ZC3H14: variants seen among roughly 807,000 people sequenced by gnomAD.
ZC3H14 encodes zinc finger CCCH-type containing 14.
ZC3H14 carries 31 observed loss-of-function variants against 92.4 expected under a neutral mutation model. The observed-to-expected ratio is 0.34, with a 90% CI of 0.25 to 0.45. ZC3H14 has a LOEUF of 0.45. ZC3H14 is among the 20% of genes least tolerant of loss of function. The pLI, the probability that ZC3H14 is intolerant of heterozygous loss-of-function variation, is 1.00. For synonymous variants in ZC3H14, 321 were observed against 300.9 expected (o/e 1.07, Z -0.69); for missense variants, 781 against 897.3 (o/e 0.87, Z 1.66).
chr14:88,591,110 A>G (rs1236635339), intron 9 of ZC3H14: 1 of 152,190 alleles, frequency 6.6e-6, no homozygotes, highest in Non-Finnish European at 1.5e-5. Context: ...TTACTTACGT[A>G]CACATGCTGT....
At position 88,625,286 on chromosome 14, in the gene ZC3H14, G is replaced by A; in HGVS notation, c.*13535G>A. The A allele has an allele frequency of 2.6e-6, 2 of 759,634 alleles. No homozygotes were observed. The highest frequency in any genetic ancestry group is 4.1e-4 in the Middle Eastern group (1 of 2,466). The allele number at this position is 759,634 out of a possible 1,614,324, so 47.1% of individuals were successfully genotyped here. ...ACTGAATTCACGAGTCAGGAAACCTGAACGGGAGGCTTAGCTTTGTCAGGA... is the reference window on the plus strand; with the variant it reads ...ACTGAATTCACGAGTCAGGAAACCTAAACGGGAGGCTTAGCTTTGTCAGGA... On this transcript the variant is annotated 3_prime_UTR_variant, in exon 17 of 17. Transcript: ENST00000251038.
chr14:88,609,183 G>C, intron 13 of ZC3H14, 84 bp from the exon 14 acceptor site: 2 of 1,534,778 alleles, frequency 1.3e-6, no homozygotes, highest in Non-Finnish European at 1.8e-6. Flanking sequence ...AGTAGTGATG[G>C]GGAGTGTAAA....
At chr14:88,568,467 A>G (rs1462069358) in intron 3 of ZC3H14, among the ~76,000 whole-genome samples, 1 of 152,246 alleles carries the variant, frequency 6.6e-6, no homozygotes, top group East Asian at 1.9e-4. Flanking sequence ...GAACTTCCAG[A>G]GACTTATATA....
chr14:88,573,093 T>C, intron 6 of ZC3H14, 86 bp downstream of exon 6: 2 of 1,489,676 alleles, frequency 1.3e-6, no homozygotes, highest in Non-Finnish European at 1.8e-6. Context: ...TAAACACATA[T>C]TCCAAGGCTG....
chr14:88,578,957 A>T (rs1305698681), intron 9 of ZC3H14, among the ~76,000 whole-genome samples: 1 of 151,720 alleles, frequency 6.6e-6, no homozygotes, highest in Non-Finnish European at 1.5e-5. Flanking sequence ...GGTGTCTGTT[A>T]TCTGACCCCT....
intron 13 of ZC3H14, among the ~76,000 whole-genome samples, chr14:88,607,811 A>C (rs1595098533): frequency 2.0e-4 from 13 of 66,508 alleles, no homozygotes; most frequent in East Asian, 9.0e-4. Flanking sequence ...ACCATCCCCC[A>C]CCTCAGCCTG....
At chr14:88,592,775 A>G (rs1455936782) in intron 9 of ZC3H14, among the ~76,000 whole-genome samples, 1 of 152,090 alleles carries the variant, frequency 6.6e-6, no homozygotes, top group Non-Finnish European at 1.5e-5. Flanking sequence ...TGCTGGAATG[A>G]CAGGTGTGGG....
At chr14:88,582,027 G>A (rs1221140649) in intron 9 of ZC3H14, among the ~76,000 whole-genome samples, 4 of 152,186 alleles carry the variant, frequency 2.6e-5, no homozygotes, top group South Asian at 2.1e-4. Flanking sequence ...TGTATTGTCC[G>A]TGGCTACTTT....
Position 88,599,285 on chromosome 14 carries a change from G to A in ZC3H14, c.1354+2477G>A, listed in dbSNP as rs2084271465. ...ATTGCCTTAGAATTCAGCTTTTACA[G>A]ATCCCCTGAGTTCTTAATCATCTGT... On this transcript the variant is annotated intron_variant, in intron 10 of 16. Transcript: ENST00000251038. Among the ~76,000 whole-genome samples the A allele has an allele frequency of 3.3e-5, 5 of 152,268 alleles. No individual in the cohort carries two copies. The South Asian group carries it at 1.0e-3, about 32-fold the overall frequency.
In ZC3H14 at chr14:88,564,518, C is replaced by CT. The variant is rs565004227; in HGVS notation, c.79+825_79+826insT. Among the ~76,000 whole-genome samples the CT allele has an allele frequency of 9.3e-4, 141 of 152,302 alleles. 1 individual carries two copies. Among genetic ancestry groups the CT allele is most frequent in the African/African-American group, 3.2e-3 (132 of 41,564 alleles). Reference sequence around the variant, plus strand: ...AGCTACCACTAATGACAGTGGTTCTCAAAGTGTGGGAGACTCCAAGGGCCT... The same window carrying CT: ...AGCTACCACTAATGACAGTGGTTCTCTAAAGTGTGGGAGACTCCAAGGGCCT... On this transcript the variant is annotated intron_variant, in intron 2 of 16. Coordinates refer to ENST00000251038, the MANE Select transcript of ZC3H14 (RefSeq NM_024824.5).
chr14:88,609,950 C>A, intron 15 of ZC3H14, 147 bp downstream of exon 15: 2 of 876,630 alleles, frequency 2.3e-6, no homozygotes, highest in East Asian at 2.6e-5. Context: ...CGTCACTGAA[C>A]CTCCATCTGG....
At chr14:88,600,060 T>C (rs901033788) in intron 10 of ZC3H14, among the ~76,000 whole-genome samples, 19 of 152,262 alleles carry the variant, frequency 1.2e-4, no homozygotes, top group Non-Finnish European at 1.8e-4. Context: ...CTGAATTTTC[T>C]ACTTCCTCTT....
chr14:88,563,406 C>G (rs2079121699), intron 1 of ZC3H14: 19 of 1,430,908 alleles, frequency 1.3e-5, no homozygotes, highest in Admixed American at 3.0e-5. Context: ...GCAGGCCCGG[C>G]TGGAGCCACC....
chr14:88,606,014 A>G (rs1354499098), intron 12 of ZC3H14, among the ~76,000 whole-genome samples: 3 of 152,202 alleles, frequency 2.0e-5, no homozygotes, highest in Non-Finnish European at 4.4e-5. Flanking sequence ...CAAGAGGACT[A>G]GAGGAATACA....
intron 3 of ZC3H14, among the ~76,000 whole-genome samples, chr14:88,568,492 T>C (rs973718486): frequency 6.6e-6 from 1 of 152,224 alleles, no homozygotes; most frequent in South Asian, 2.1e-4. Context: ...CATCAGATCT[T>C]GTGAGAACTC....
intron 15 of ZC3H14, 25 bp downstream of exon 15, chr14:88,609,828 CAATTT>C: frequency 2.5e-6 from 4 of 1,603,374 alleles, no homozygotes; most frequent in Non-Finnish European, 3.4e-6. Context: ...TTTCTCAAAT[CAATTT>C]AGTGACAACA....
In ZC3H14 at chr14:88,627,010, C is replaced by T. The variant is rs1181034990; in HGVS notation, c.*15259C>T. The T allele has an allele frequency of 1.7e-5, 28 of 1,613,834 alleles. No individual in the cohort carries two copies. Among genetic ancestry groups the T allele is most frequent in the Non-Finnish European group, 2.2e-5 (26 of 1,179,856 alleles). On this transcript the variant is annotated 3_prime_UTR_variant, in exon 17 of 17. Coordinates refer to ENST00000251038, the MANE Select transcript of ZC3H14 (RefSeq NM_024824.5). ...TGGTCGGAATTCTGCCACAAAAATACGTTGATTGTGACCAGCTCTGCTGGC... is the reference window on the plus strand; with the variant it reads ...TGGTCGGAATTCTGCCACAAAAATATGTTGATTGTGACCAGCTCTGCTGGC...
chr14:88,564,809 A>G (rs1378950080), intron 2 of ZC3H14, among the ~76,000 whole-genome samples: 4 of 152,230 alleles, frequency 2.6e-5, no homozygotes, highest in African/African-American at 9.7e-5. Flanking sequence ...GAGGAAATAG[A>G]AATGCTCATA....
At position 88,616,122 on chromosome 14, in the gene ZC3H14, G is replaced by A. The variant is rs757803047; in HGVS notation, c.*4371G>A. ...ACTAGTAACATAGTCTGCTCTTCATGGGCTGAGAAAGTTACTAACCTGCAG... is the reference window on the plus strand; with the variant it reads ...ACTAGTAACATAGTCTGCTCTTCATAGGCTGAGAAAGTTACTAACCTGCAG... On this transcript the variant is annotated 3_prime_UTR_variant, in exon 17 of 17. Transcript: ENST00000251038. 30 of 1,610,806 alleles carry A rather than the reference G, an allele frequency of 1.9e-5. No homozygotes were observed. In the South Asian group the frequency reaches 2.9e-4, roughly 15 times the overall value.
Sources: gnomAD v4.1 joint callset for allele counts (sites outside exome capture counted in the v4.1 genomes callset) on GRCh38, gnomAD v4.1.1 for gene constraint, MANE v1.5 for transcripts, NCBI Gene and HGNC (gene_info 2026-07-23, HGNC 2026-07-21) for gene names.